Variants in SLC9A2 observed in about 807,000 individuals in gnomAD.
SLC9A2 encodes the protein sodium/hydrogen exchanger 2.
A neutral mutation model predicts 71.7 loss-of-function variants in SLC9A2; 42 were observed. The observed-to-expected ratio is 0.59, with a 90% confidence interval of 0.46 to 0.76. SLC9A2 has a LOEUF of 0.76. SLC9A2 is among the 30% of genes least tolerant of loss of function. The pLI is 0.00. For missense variants in SLC9A2, 829 were observed against 1,017.4 expected, an observed-to-expected ratio of 0.81 and a Z score of 2.52; for synonymous variants, 396 against 392.5, an observed-to-expected ratio of 1.01 and a Z score of -0.10.
intron 1 of SLC9A2, among the ~76,000 whole-genome samples, chr2:102,625,217 G>C (rs1452547193): frequency 6.6e-6 from 1 of 152,166 alleles, no homozygotes; most frequent in Non-Finnish European, 1.5e-5. Flanking sequence ...GACTTCAACA[G>C]CTTTTCCATC....
chr2:102,630,706 C>T (rs1234673098), intron 1 of SLC9A2, among the ~76,000 whole-genome samples: 1 of 151,828 alleles, frequency 6.6e-6, no homozygotes, highest in Non-Finnish European at 1.5e-5. Context: ...TTAACCTACT[C>T]ATTGGATTTT....
chr2:102,691,847 G>C (rs1677670334), intron 5 of SLC9A2, among the ~76,000 whole-genome samples: 1 of 152,160 alleles, frequency 6.6e-6, no homozygotes, highest in African/African-American at 2.4e-5. Context: ...TCAACATATG[G>C]ACTGGGGTAA....
intron 5 of SLC9A2, 69 bp downstream of exon 5, chr2:102,684,405 G>A: frequency 7.2e-7 from 1 of 1,397,956 alleles, no homozygotes; most frequent in Non-Finnish European, 1.0e-6. Flanking sequence ...CTGTTTACAG[G>A]ATGCAAAGTA....
rs376415683 is a variant in SLC9A2, at chr2:102,695,027, G to A, written c.1516-16G>A. 3.1e-6 allele frequency: 5 copies of A among 1,611,484 alleles called. No homozygotes were observed. The African/African-American group carries it at 6.7e-5, about 22-fold the overall frequency. ...CAGGTAAAGACTAATCAATTTGCCT[G>A]CTTTTTCTGTTTTAGTTGTTTGATC... On this transcript the variant is annotated splice_polypyrimidine_tract_variant and intron_variant, in intron 6 of 11. Transcript: ENST00000233969.
In SLC9A2 at chr2:102,708,341, A is replaced by G. The variant is rs770165179; in HGVS notation, c.2291A>G (p.Gln764Arg). 1.9e-6 allele frequency: 3 copies of G among 1,614,226 alleles called. No homozygotes were observed. Among genetic ancestry groups the G allele is most frequent in the South Asian group, 1.1e-5 (1 of 91,088 alleles). The stretch of plus-strand genomic sequence containing the variant: ...GGCACCCAGACGTCAGGCTTACTAC[A>G]GCAGCCCCTTCTCTCTAAAGACCAG... ...EKGTQTSGLL[Q>R]QPLLSKDQSG... is the part of the protein sequence containing the mutation. The change falls in exon 12 of 12, where the codon CAG becomes CGG. Residue 764 changes from glutamine to arginine, a missense_variant. Physicochemically the swap from Gln to Arg is conservative, Grantham distance 43. Transcript: ENST00000233969.
intron 1 of SLC9A2, among the ~76,000 whole-genome samples, chr2:102,638,877 T>C (rs1487107251): frequency 6.6e-6 from 1 of 152,226 alleles, no homozygotes; most frequent in African/African-American, 2.4e-5. Context: ...TGTGCTCTTT[T>C]TTCACTGAAC....
At chr2:102,694,974 A>G (rs757617495) in intron 6 of SLC9A2, 69 bp from the exon 7 acceptor site, 3 of 1,311,856 alleles carry the variant, frequency 2.3e-6, no homozygotes, top group African/African-American at 1.5e-5. Context: ...TTTAGAAATG[A>G]TACAAGTAGA....
chr2:102,646,801 G>A lies in SLC9A2; in HGVS notation c.290-10763G>A, dbSNP rs1356574452. 5.6e-5 allele frequency among the ~76,000 whole-genome samples: 6 copies of A among 106,846 alleles called. No individual in the cohort carries two copies. The East Asian group carries it at 1.6e-3, about 29-fold the overall frequency. The allele number at this position is 106,846 out of a possible 152,430, so 70.1% of individuals were successfully genotyped here. ...TATATATATATATATCTCCAATACAGGAGCACCCAGATTCATAAAGCAAGT... is the reference window on the plus strand; with the variant it reads ...TATATATATATATATCTCCAATACAAGAGCACCCAGATTCATAAAGCAAGT... On this transcript the variant is annotated intron_variant, in intron 1 of 11. Coordinates refer to ENST00000233969, the MANE Select transcript of SLC9A2 (RefSeq NM_003048.6).
chr2:102,695,773 A>ACC (rs1677745162), intron 7 of SLC9A2, among the ~76,000 whole-genome samples: 1 of 27,048 alleles, frequency 3.7e-5, no homozygotes, highest in Admixed American at 4.5e-4. Flanking sequence ...TATATATAAT[A>ACC]TATATTATAT....
intron 2 of SLC9A2, among the ~76,000 whole-genome samples, chr2:102,659,619 T>C (rs533308004): frequency 6.6e-6 from 1 of 152,290 alleles, no homozygotes; most frequent in South Asian, 2.1e-4. Context: ...CAATTTGTAG[T>C]ATAGATATTT....
At chr2:102,678,848 G>A (rs1677392861) in intron 3 of SLC9A2, among the ~76,000 whole-genome samples, 1 of 152,216 alleles carries the variant, frequency 6.6e-6, no homozygotes, top group Non-Finnish European at 1.5e-5. Context: ...GGAGTGGGCA[G>A]AGATGGTTTC....
chr2:102,679,630 G>A (rs995710278), intron 3 of SLC9A2, among the ~76,000 whole-genome samples: 1 of 152,014 alleles, frequency 6.6e-6, no homozygotes, highest in African/African-American at 2.4e-5. Context: ...CGCCCACCTC[G>A]GCCTCCCAAA....
At chr2:102,674,194 A>C (rs2104532700) in intron 3 of SLC9A2, among the ~76,000 whole-genome samples, 1 of 152,324 alleles carries the variant, frequency 6.6e-6, no homozygotes, top group African/African-American at 2.4e-5. Flanking sequence ...ACATGGATTA[A>C]GTCAGTGTTT....
intron 1 of SLC9A2, among the ~76,000 whole-genome samples, chr2:102,629,940 T>C (rs1265641695): frequency 6.6e-6 from 1 of 152,112 alleles, no homozygotes; most frequent in Non-Finnish European, 1.5e-5. Context: ...AGCTAATACA[T>C]GTAAAGTGTT....
intron 1 of SLC9A2, among the ~76,000 whole-genome samples, chr2:102,645,767 G>A (rs2104511261): frequency 6.6e-6 from 1 of 152,158 alleles, no homozygotes; most frequent in Admixed American, 6.5e-5. Flanking sequence ...AGAATGAAAA[G>A]GAGTGAACAA....
At chr2:102,633,887 T>C (rs1281492128) in intron 1 of SLC9A2, among the ~76,000 whole-genome samples, 2 of 152,216 alleles carry the variant, frequency 1.3e-5, no homozygotes, top group Non-Finnish European at 2.9e-5. Flanking sequence ...GAAAAGATGT[T>C]AAATATGTTT....
rs751725738 is a variant in SLC9A2, at chr2:102,704,684, G to C, written c.1977+9G>C. On this transcript the variant is annotated intron_variant, in intron 10 of 11. Coordinates refer to ENST00000233969, the MANE Select transcript of SLC9A2 (RefSeq NM_003048.6). ...TGAATCGAGAACACAGGGTAACTGA[G>C]TGTGCGCCTCTAGGAGACTTCCAGG... 9 of 1,608,632 alleles carry C rather than the reference G, an allele frequency of 5.6e-6. No homozygotes were observed. Among genetic ancestry groups the C allele is most frequent in the Non-Finnish European group, 6.8e-6 (8 of 1,176,366 alleles).
rs549686532 is a variant in SLC9A2, at chr2:102,705,199, C to G, written c.1977+524C>G. Among the ~76,000 whole-genome samples, 10 of 152,082 alleles carry G rather than the reference C, an allele frequency of 6.6e-5. No individual in the cohort carries two copies. In the South Asian group the frequency reaches 1.5e-3, roughly 22 times the overall value. On this transcript the variant is annotated intron_variant, in intron 10 of 11. Transcript: ENST00000233969. ...CCAGCCTGGATGACAGAGCGAGACTCCTTCTCAATAATAACAATAATAATA... is the reference window on the plus strand; with the variant it reads ...CCAGCCTGGATGACAGAGCGAGACTGCTTCTCAATAATAACAATAATAATA...
At chr2:102,669,639 C>T (rs1396391886) in intron 3 of SLC9A2, among the ~76,000 whole-genome samples, 1 of 152,166 alleles carries the variant, frequency 6.6e-6, no homozygotes, top group East Asian at 1.9e-4. Context: ...AAATTCTTGC[C>T]TTGACTCATG....
Sources: allele counts gnomAD v4.1 joint callset (sites outside exome capture counted in the v4.1 genomes callset), GRCh38; gene constraint gnomAD v4.1.1; transcripts MANE v1.5; gene names NCBI Gene and HGNC (gene_info 2026-07-23, HGNC 2026-07-21).